Variants in ITGAL observed in about 807,000 individuals in gnomAD.
ITGAL encodes the protein integrin subunit alpha L.
In ITGAL, 68 loss-of-function variants were observed where a neutral mutation model predicts 138.4. The observed-to-expected ratio is 0.49, with a 90% confidence interval of 0.40 to 0.60. ITGAL has a LOEUF of 0.60. ITGAL is among the 20% of genes least tolerant of loss of function. The pLI is 0.00. For synonymous variants in ITGAL, 561 were observed against 584.3 expected, an observed-to-expected ratio of 0.96 and a Z score of 0.57; for missense variants, 1,256 against 1,478.6, an observed-to-expected ratio of 0.85 and a Z score of 2.47.
chr16:30,500,140 C>T (rs1373036525), intron 17 of ITGAL, among the ~76,000 whole-genome samples: 2 of 150,100 alleles, frequency 1.3e-5, no homozygotes, highest in East Asian at 4.0e-4. Flanking sequence ...GGCTGGAGTG[C>T]AGTGGCATGA....
At chr16:30,487,987 G>T (rs1389034568) in intron 9 of ITGAL, among the ~76,000 whole-genome samples, 2 of 152,162 alleles carry the variant, frequency 1.3e-5, no homozygotes. Flanking sequence ...CAAAGTGCTG[G>T]GATTACAGGC....
intron 17 of ITGAL, among the ~76,000 whole-genome samples, chr16:30,502,055 C>G (rs2050907684): frequency 6.6e-6 from 1 of 151,284 alleles, no homozygotes; most frequent in Non-Finnish European, 1.5e-5. Context: ...GTTTGAACAA[C>G]TGTTGAAATA....
At chr16:30,490,862 TG>T (rs2050715245) in intron 11 of ITGAL, among the ~76,000 whole-genome samples, 1 of 151,050 alleles carries the variant, frequency 6.6e-6, no homozygotes, top group African/African-American at 2.4e-5. Context: ...CCCAGCTACT[TG>T]GGAGGCTGAG....
At chr16:30,495,956 C>T in intron 13 of ITGAL, 141 bp from the exon 14 acceptor site, 1 of 699,472 alleles carries the variant, frequency 1.4e-6, no homozygotes, top group Non-Finnish European at 2.5e-6. Flanking sequence ...TGGGCTGGTG[C>T]TTGAACCCTG....
At position 30,496,483 on chromosome 16, in the gene ITGAL, C is replaced by T. The variant is rs779637390; in HGVS notation, c.1749C>T (p.Arg583=). The change falls in exon 15 of 31, where the codon CGC becomes CGT. Residue 583 remains arginine (R), a synonymous_variant. Transcript: ENST00000356798. ...TCTCAGGAATTCAGTGGTTTGGACGCTCCATCCATGGGGTGAAGGACCTTG... is the reference window on the plus strand; with the variant it reads ...TCTCAGGAATTCAGTGGTTTGGACGTTCCATCCATGGGGTGAAGGACCTTG... ...QVLSGIQWFG[R]SIHGVKDLEG... is the part of the protein sequence containing the mutation. The T allele has an allele frequency of 1.9e-6, 3 of 1,613,502 alleles. No homozygotes were observed. The South Asian group carries it at 3.3e-5, about 18-fold the overall frequency.
At chr16:30,515,114 T>C (rs1478451785) in intron 25 of ITGAL, among the ~76,000 whole-genome samples, 1 of 152,142 alleles carries the variant, frequency 6.6e-6, no homozygotes, top group Non-Finnish European at 1.5e-5. Flanking sequence ...CGTGAGCCAC[T>C]GTGCCTGGCC....
In ITGAL at chr16:30,511,034, C is replaced by T. The variant is rs2051083638; in HGVS notation, c.2700-16C>T. On this transcript the variant is annotated splice_polypyrimidine_tract_variant and intron_variant, in intron 23 of 30. Transcript: ENST00000356798. ...GCCCTTCTCCTAACACTGGCCTCTTCCTTGCCCCAATGCAGTAACAATGAG... is the reference window on the plus strand; with the variant it reads ...GCCCTTCTCCTAACACTGGCCTCTTTCTTGCCCCAATGCAGTAACAATGAG... 1.9e-6 allele frequency: 3 copies of T among 1,613,030 alleles called. No homozygotes were observed. The highest frequency in any genetic ancestry group is 2.5e-6 in the Non-Finnish European group (3 of 1,179,154).
intron 17 of ITGAL, among the ~76,000 whole-genome samples, chr16:30,502,145 C>T (rs969165961): frequency 6.6e-6 from 1 of 152,156 alleles, no homozygotes; most frequent in Admixed American, 6.5e-5. Flanking sequence ...CGCCTCTAAT[C>T]CCAGCACTTT....
intron 16 of ITGAL, 33 bp from the exon 17 acceptor site, chr16:30,499,305 C>T (rs1338316497): frequency 1.2e-6 from 2 of 1,613,464 alleles, no homozygotes; most frequent in South Asian, 1.1e-5. Context: ...GGATCCCCCA[C>T]CATTTAACTC....
chr16:30,494,859 A>G lies in ITGAL; in HGVS notation c.1503+9A>G. 3.2e-6 allele frequency: 5 copies of G among 1,584,598 alleles called. No homozygotes were observed. In the East Asian group the frequency reaches 9.1e-5, roughly 29 times the overall value. ...TCTACCAGAGAAGACAGGTGGGGCC[A>G]GGATCTGGAGCTGAGAGGGAGGAGG... On this transcript the variant is annotated intron_variant, in intron 13 of 30. Transcript: ENST00000356798. This position sits in a 1 kb window ranked among gnomAD's most constrained non-coding sequence, Gnocchi z 4.2.
rs1446098464 is a variant in ITGAL, at chr16:30,475,411, G to A, written c.259+11G>A. Reference sequence around the variant, plus strand: ...CAGTCACCCTGAGAGGTGAGTAACTGGGGGGTGAGCTGGGAGGAATGGGAT... The same window carrying A: ...CAGTCACCCTGAGAGGTGAGTAACTAGGGGGTGAGCTGGGAGGAATGGGAT... On this transcript the variant is annotated intron_variant, in intron 3 of 30. Coordinates refer to ENST00000356798, the MANE Select transcript of ITGAL (RefSeq NM_002209.3). The A allele has an allele frequency of 6.2e-7, 1 of 1,607,414 alleles. No individual in the cohort carries two copies. Among genetic ancestry groups the A allele is most frequent in the South Asian group, 1.1e-5 (1 of 90,910 alleles).
At chr16:30,484,013 C>T (rs762326875) in intron 8 of ITGAL, 54 bp downstream of exon 8, 32 of 1,597,670 alleles carry the variant, frequency 2.0e-5, no homozygotes, top group Admixed American at 1.0e-4. Context: ...TTTCTGAACC[C>T]CAAGCCCCTT....
At chr16:30,489,851 G>A (rs1319018954) in intron 11 of ITGAL, among the ~76,000 whole-genome samples, 13 of 152,086 alleles carry the variant, frequency 8.5e-5, no homozygotes, top group Admixed American at 7.9e-4. Context: ...CAGGAGAAAC[G>A]TTTGAACCTG....
intron 11 of ITGAL, among the ~76,000 whole-genome samples, chr16:30,493,895 A>G (rs1333474921): frequency 6.6e-6 from 1 of 152,110 alleles, no homozygotes; most frequent in African/African-American, 2.4e-5. Context: ...CTGTCTCTAA[A>G]AAAGAAGAAA....
At chr16:30,485,047 C>A (rs2050620438) in intron 9 of ITGAL, among the ~76,000 whole-genome samples, 3 of 152,042 alleles carry the variant, frequency 2.0e-5, no homozygotes, top group Non-Finnish European at 4.4e-5. Context: ...ATAAAACAGA[C>A]CTTTAGAAGG....
chr16:30,492,252 T>C (rs543393094), intron 11 of ITGAL, among the ~76,000 whole-genome samples: 1 of 103,372 alleles, frequency 9.7e-6, no homozygotes, highest in Admixed American at 1.3e-4. Flanking sequence ...ATATCTTTTT[T>C]TTCTTTTTTT....
At chr16:30,511,269 T>A in intron 24 of ITGAL, 133 bp downstream of exon 24, 1 of 702,318 alleles carries the variant, frequency 1.4e-6, no homozygotes, top group Non-Finnish European at 2.5e-6. Flanking sequence ...TAATTAGAAC[T>A]GATTCCAGCC....
At chr16:30,518,745 A>G (rs765316116) in intron 29 of ITGAL, 26 bp downstream of exon 29, 6 of 1,551,800 alleles carry the variant, frequency 3.9e-6, no homozygotes, top group East Asian at 2.2e-5. Context: ...TGGAAGCCCC[A>G]GGAACAGGCA....
In ITGAL at chr16:30,484,095, C is replaced by A; in HGVS notation, c.856-18C>A. On this transcript the variant is annotated intron_variant, in intron 8 of 30. Coordinates refer to ENST00000356798, the MANE Select transcript of ITGAL (RefSeq NM_002209.3). ...AGGTTTGGGGGATTTCAGCTCTTCA[C>A]TCTCCACTCCCTCACAGATTGGAAA... is the stretch of plus-strand genomic sequence containing the variant. 1 of 1,609,220 alleles carries A rather than the reference C, an allele frequency of 6.2e-7. No individual in the cohort carries two copies. The highest frequency in any genetic ancestry group is 1.1e-5 in the South Asian group (1 of 90,680).
Sources: allele counts gnomAD v4.1 joint callset (sites outside exome capture counted in the v4.1 genomes callset), GRCh38; gene constraint gnomAD v4.1.1; non-coding constraint Gnocchi (gnomAD v3.1); transcripts MANE v1.5; gene names NCBI Gene and HGNC (gene_info 2026-07-23, HGNC 2026-07-21).